Variants in DHX36 observed in about 807,000 individuals in gnomAD.
The protein encoded by DHX36 is ATP-dependent DNA/RNA helicase DHX36.
In DHX36, 50 loss-of-function variants were observed where a neutral mutation model predicts 139.0. The observed-to-expected ratio is 0.36, with a 90% confidence interval of 0.29 to 0.46. DHX36 has a LOEUF of 0.46. Ranked by LOEUF, DHX36 falls within the 20% of genes least tolerant of loss-of-function variation. DHX36 has a pLI of 1.00. For missense variants in DHX36, 1,024 were observed against 1,211.3 expected, an observed-to-expected ratio of 0.85 and a Z score of 2.29; for synonymous variants, 425 against 401.9, an observed-to-expected ratio of 1.06 and a Z score of -0.69.
At chr3:154,303,093 G>A (rs1038287691) in intron 9 of DHX36, among the ~76,000 whole-genome samples, 16 of 151,868 alleles carry the variant, frequency 1.1e-4, no homozygotes, top group Admixed American at 5.9e-4. Context: ...AAAAAACCAC[G>A]GATGCCTGGC....
At chr3:154,283,061 T>C in intron 20 of DHX36, 127 bp downstream of exon 20, 1 of 640,508 alleles carries the variant, frequency 1.6e-6, no homozygotes, top group Non-Finnish European at 2.8e-6. Flanking sequence ...TTACTTTGTG[T>C]ATATATACAA....
In DHX36 at chr3:154,304,956, T is replaced by C. The variant is rs776689416; in HGVS notation, c.985A>G (p.Ser329Gly). The C allele has an allele frequency of 6.2e-7, 1 of 1,607,164 alleles. No homozygotes were observed. Among genetic ancestry groups the C allele is most frequent in the African/African-American group, 1.3e-5 (1 of 74,456 alleles). The change falls in exon 8 of 25, where the codon AGT becomes GGT. Residue 329 changes from serine to glycine, a missense_variant. Coordinates refer to ENST00000496811, the MANE Select transcript of DHX36 (RefSeq NM_020865.3). ...TGGATTTCATCAAGTACGATATGAC[T>C]AACACTGGACAAATACCTAAGGCAG... The part of the protein sequence containing the change: ...LQSDPYLSSV[S>G]HIVLDEIHER...
chr3:154,313,308 T>C (rs1360151584), intron 3 of DHX36, among the ~76,000 whole-genome samples: 1 of 152,162 alleles, frequency 6.6e-6, no homozygotes, highest in East Asian at 1.9e-4. Context: ...TTGTTAACTT[T>C]TGACCATAAC....
intron 5 of DHX36, 114 bp from the exon 6 acceptor site, chr3:154,306,409 T>TA (rs376071524): frequency 5.8e-4 from 464 of 804,860 alleles, no homozygotes; most frequent in African/African-American, 3.9e-3. Context: ...CTAAATGAGT[T>TA]AAAAAAATAG....
At chr3:154,282,875 T>C (rs1172560111) in intron 20 of DHX36, among the ~76,000 whole-genome samples, 1 of 152,202 alleles carries the variant, frequency 6.6e-6, no homozygotes, top group Non-Finnish European at 1.5e-5. Context: ...TCCTATTTGA[T>C]ACTTTTCAAC....
intron 15 of DHX36, among the ~76,000 whole-genome samples, chr3:154,290,490 A>C (rs1711746855): frequency 1.3e-5 from 2 of 151,942 alleles, no homozygotes; most frequent in African/African-American, 4.8e-5. Context: ...TAATACAAAA[A>C]ATTAGCTGGG....
chr3:154,276,204 A>C lies in DHX36; in HGVS notation c.2994T>G (p.Phe998Leu). The C allele has an allele frequency of 6.2e-7, 1 of 1,612,706 alleles. No homozygotes were observed. The change falls in exon 25 of 25, where the codon TTT becomes TTG. Residue 998 changes from phenylalanine (F) to leucine (L), a missense_variant. Physicochemically the swap from Phe to Leu is conservative, Grantham distance 22 (BLOSUM62 0). Transcript: ENST00000496811. ...KTQEKATPRNFPPRFQDGYYS is the reference protein window; with the variant it reads ...KTQEKATPRNLPPRFQDGYYS Reference sequence around the variant, plus strand: ...AATATCCATCCTGGAATCGTGGCGGAAAGTTCCTGGGAGTTGCCTTTTCCT... The same window carrying C: ...AATATCCATCCTGGAATCGTGGCGGCAAGTTCCTGGGAGTTGCCTTTTCCT...
rs1712196035 is a variant in DHX36 at position 154,299,829 on chromosome 3, A to C, written c.1549+9T>G. ...CTTTGAATTACAGTAAAATACATTT[A>C]CATAGTACCTGATTTAAACATTACT... On this transcript the variant is annotated intron_variant, in intron 12 of 24. Transcript: ENST00000496811. 9 of 1,571,994 alleles carry C rather than the reference A, an allele frequency of 5.7e-6. No individual in the cohort carries two copies. Among genetic ancestry groups the C allele is most frequent in the African/African-American group, 1.3e-5 (1 of 74,184 alleles).
intron 2 of DHX36, 24 bp downstream of exon 2, chr3:154,316,015 T>A: frequency 6.2e-7 from 1 of 1,604,690 alleles, no homozygotes. Context: ...TGCCTATTCT[T>A]TAAAAAAATA....
intron 12 of DHX36, 101 bp downstream of exon 12, chr3:154,299,737 C>T (rs1225274755): frequency 1.2e-6 from 1 of 825,962 alleles, no homozygotes; most frequent in Non-Finnish European, 2.1e-6. Context: ...CATCTGTGAC[C>T]TAGTAGAAGC....
In DHX36 at chr3:154,322,505, T is replaced by C. The variant is rs142138243; in HGVS notation, c.243+1669A>G. ...GGAGGTAAGTGGTTAGATTGGGATA[T>C]ATTAACAAGGCAGAGATTTGCTGAA... is the stretch of plus-strand genomic sequence containing the variant. On this transcript the variant is annotated intron_variant, in intron 1 of 24. Transcript: ENST00000496811. Among the ~76,000 whole-genome samples, 165 of 152,338 alleles carry C rather than the reference T, an allele frequency of 1.1e-3. 2 individuals are homozygous for C. The East Asian group carries it at 0.03, about 28-fold the overall frequency.
intron 17 of DHX36, among the ~76,000 whole-genome samples, chr3:154,287,227 C>T (rs1289171063): frequency 6.6e-6 from 1 of 152,214 alleles, no homozygotes; most frequent in Non-Finnish European, 1.5e-5. Context: ...TCAACCCCAA[C>T]ACACATCAAC....
chr3:154,292,485 A>T, intron 15 of DHX36, 66 bp downstream of exon 15: 1 of 1,583,046 alleles, frequency 6.3e-7, no homozygotes, highest in Non-Finnish European at 8.6e-7. Context: ...TTAAATGCCA[A>T]CATCACATTT....
Position 154,276,289 on chromosome 3 carries a change from T to C in DHX36, c.2909A>G (p.Asn970Ser), listed in dbSNP as rs1719146648. Residue 970 changes from asparagine (N) to serine (S), a missense_variant, in exon 25 of 25, where the codon AAT becomes AGT. Around this residue, in one of 4 missense-constraint regions of DHX36, gnomAD observed 470 missense variants for 616.2 expected, o/e 0.76. Transcript: ENST00000496811. Reference sequence around the variant, plus strand: ...TGCACAGTCTCTGGATTTAGTGTCATTCCAGTCTACAGGATGAGGACTTTC... The same window carrying C: ...TGCACAGTCTCTGGATTTAGTGTCACTCCAGTCTACAGGATGAGGACTTTC... The part of the protein sequence containing the change: ...KIESPHPVDW[N>S]DTKSRDCAVL... The C allele has an allele frequency of 1.9e-6, 3 of 1,613,754 alleles. No individual in the cohort carries two copies. In the African/African-American group the frequency reaches 4.0e-5, roughly 22 times the overall value.
At chr3:154,321,049 T>G (rs1278967950) in intron 1 of DHX36, among the ~76,000 whole-genome samples, 1 of 152,180 alleles carries the variant, frequency 6.6e-6, no homozygotes, top group Non-Finnish European at 1.5e-5. Flanking sequence ...GAAATTATAT[T>G]AAAGGATCAT....
intron 1 of DHX36, among the ~76,000 whole-genome samples, chr3:154,316,982 T>TA (rs1316870694): frequency 6.6e-6 from 1 of 151,806 alleles, no homozygotes; most frequent in Non-Finnish European, 1.5e-5. Context: ...TGGTGAAAAT[T>TA]AGAGTGTGTT....
chr3:154,297,136 A>G (rs1423830468), intron 12 of DHX36, among the ~76,000 whole-genome samples: 1 of 152,140 alleles, frequency 6.6e-6, no homozygotes, highest in Non-Finnish European at 1.5e-5. Flanking sequence ...GAGGGGAGCA[A>G]TGTTCTAGAG....
At chr3:154,297,390 T>C (rs1395624681) in intron 12 of DHX36, among the ~76,000 whole-genome samples, 3 of 152,182 alleles carry the variant, frequency 2.0e-5, no homozygotes. Flanking sequence ...AAAATAATTG[T>C]TGGCACTGAA....
At chr3:154,297,430 T>C (rs1300404432) in intron 12 of DHX36, among the ~76,000 whole-genome samples, 2 of 152,194 alleles carry the variant, frequency 1.3e-5, no homozygotes, top group African/African-American at 2.4e-5. Flanking sequence ...TCTCTAGTTT[T>C]GGCTGGGTGC....
Sources: gnomAD v4.1 joint callset for allele counts (sites outside exome capture counted in the v4.1 genomes callset) on GRCh38, gnomAD v4.1.1 for gene constraint, gnomAD v4.1.1 regional missense constraint, MANE v1.5 for transcripts, NCBI Gene and HGNC (gene_info 2026-07-23, HGNC 2026-07-21) for gene names.